COL4A2: variants seen among roughly 807,000 people sequenced by gnomAD.
COL4A2 encodes the protein collagen type IV alpha 2 chain, also known as collagen alpha-2(IV) chain.
In COL4A2, 99 loss-of-function variants were observed where a neutral mutation model predicts 200.2. That is an observed-to-expected ratio of 0.49 (90% CI 0.42 to 0.58). The LOEUF is 0.58. COL4A2 is among the 20% of genes least tolerant of loss of function. The probability of loss-of-function intolerance (pLI) is 0.00; values close to 1 mark genes in which losing one functional copy is unlikely to be tolerated. For synonymous variants in COL4A2, 897 were observed against 900.6 expected, an observed-to-expected ratio of 1.00 and a Z score of 0.07; for missense variants, 1,950 against 2,314.1, an observed-to-expected ratio of 0.84 and a Z score of 3.23.
intron 4 of COL4A2, among the ~76,000 whole-genome samples, chr13:110,421,493 TG>T (rs1880249806): frequency 1.3e-5 from 2 of 152,206 alleles, no homozygotes; most frequent in African/African-American, 4.8e-5. Flanking sequence ...ACACATCGTA[TG>T]ACTGATTCTA....
chr13:110,417,082 G>A (rs960155215), intron 4 of COL4A2, among the ~76,000 whole-genome samples: 9 of 151,692 alleles, frequency 5.9e-5, no homozygotes, highest in South Asian at 4.2e-4. Context: ...CTGGGTTCAC[G>A]CCATTCTTCT....
intron 4 of COL4A2, 124 bp from the exon 5 acceptor site, chr13:110,424,610 T>C (rs1234001012): frequency 3.5e-6 from 2 of 575,796 alleles, no homozygotes; most frequent in Non-Finnish European, 6.1e-6. Context: ...TTACATATAA[T>C]GTTCCCTGTA....
rs115742179 is a variant in COL4A2 at position 110,343,770 on chromosome 13, A to G, written c.100-13702A>G. ...ACAGAAATCTTATTGTATTCTGAAAAAGGATTCCTGGATCTCTTTCATTCC... is the reference window on the plus strand; with the variant it reads ...ACAGAAATCTTATTGTATTCTGAAAGAGGATTCCTGGATCTCTTTCATTCC... On this transcript the variant is annotated intron_variant, in intron 3 of 47. Coordinates refer to ENST00000360467, the MANE Select transcript of COL4A2 (RefSeq NM_001846.4). 4.4e-3 allele frequency among the ~76,000 whole-genome samples: 676 copies of G among 152,312 alleles called. 4 individuals carry two copies. The highest frequency in any genetic ancestry group is 0.015 in the African/African-American group (624 of 41,572).
chr13:110,467,870 C>G (rs993993992), intron 27 of COL4A2, among the ~76,000 whole-genome samples: 6 of 152,232 alleles, frequency 3.9e-5, no homozygotes, highest in Admixed American at 6.5e-5. Context: ...AGGAATTCCC[C>G]TTTGGATGTC....
intron 3 of COL4A2, chr13:110,328,438 G>A (rs2139358865): frequency 6.6e-6 from 1 of 152,330 alleles, no homozygotes; most frequent in East Asian, 1.9e-4. Context: ...ACTGCTATCT[G>A]AAGCAAATGC....
Position 110,503,275 on chromosome 13 carries a change from A to G in COL4A2, c.4032A>G (p.Gly1344=). ...QGRPGVFGLP[G]EKGPRGEQGF... is the part of the protein sequence containing the mutation. ...GGCCTGGTGTGTTTGGTCTCCCAGG[A>G]GAAAAAGGTAACAGTGCCCATGGCC... The change falls in exon 42 of 48, where the codon GGA becomes GGG. Residue 1344 remains glycine (G), a synonymous_variant. Coordinates refer to ENST00000360467, the MANE Select transcript of COL4A2 (RefSeq NM_001846.4). 6.2e-7 allele frequency: 1 copy of G among 1,602,582 alleles called. No individual in the cohort carries two copies. The highest frequency in any genetic ancestry group is 1.8e-5 in the Admixed American group (1 of 56,440).
chr13:110,413,356 C>T (rs945395636), intron 4 of COL4A2, among the ~76,000 whole-genome samples: 2 of 152,154 alleles, frequency 1.3e-5, no homozygotes, highest in Admixed American at 6.5e-5. Context: ...CCTCCAAGGG[C>T]CTCGCGGTCT....
chr13:110,458,192 G>A lies in COL4A2; in HGVS notation c.1433-579G>A, dbSNP rs530715988. The A allele has an allele frequency of 1.4e-3, 627 of 459,504 alleles. 10 individuals are homozygous for A. Among genetic ancestry groups the A allele is most frequent in the South Asian group, 8.8e-3 (551 of 62,356 alleles). The allele number at this position is 459,504 out of a possible 1,614,324, so 28.5% of individuals were successfully genotyped here. A position where few individuals can be genotyped will look rare whatever the true frequency, so the allele number is the denominator to read the frequency against. ...GCAGGCACCGCAGGACCTGGAGGAA[G>A]TGGGGCCTCCCCACTGGGCATCCTC... On this transcript the variant is annotated intron_variant, in intron 21 of 47. Coordinates refer to ENST00000360467, the MANE Select transcript of COL4A2 (RefSeq NM_001846.4).
At chr13:110,476,357 A>G (rs1279610406) in intron 29 of COL4A2, among the ~76,000 whole-genome samples, 1 of 152,204 alleles carries the variant, frequency 6.6e-6, no homozygotes, top group Non-Finnish European at 1.5e-5. Context: ...CTCATTTCTC[A>G]CAGTACTACA....
chr13:110,352,366 C>T (rs74441700), intron 3 of COL4A2, among the ~76,000 whole-genome samples: 12,011 of 152,310 alleles, frequency 0.079, 1,308 homozygotes, highest in African/African-American at 0.25. Flanking sequence ...TCTAACCATC[C>T]TCTTCTTCGC....
At position 110,444,227 on chromosome 13, in the gene COL4A2, C is replaced by T. The variant is rs186583917; in HGVS notation, c.958-1602C>T. Among the ~76,000 whole-genome samples, 12 of 152,286 alleles carry T rather than the reference C, an allele frequency of 7.9e-5. No homozygotes were observed. The East Asian group carries it at 1.3e-3, about 17-fold the overall frequency. ...GGACCCTTCAGCAGAGATGGCAACA[C>T]GTGGTGTCTGGGGTGCTTGTTTTGT... On this transcript the variant is annotated intron_variant, in intron 16 of 47. Coordinates refer to ENST00000360467, the MANE Select transcript of COL4A2 (RefSeq NM_001846.4).
At chr13:110,463,078 C>T (rs1363741118) in intron 24 of COL4A2, 2 of 154,568 alleles carry the variant, frequency 1.3e-5, no homozygotes, top group Non-Finnish European at 2.9e-5. Flanking sequence ...CTGCCACAGA[C>T]TGGGCAGCTT....
intron 4 of COL4A2, among the ~76,000 whole-genome samples, chr13:110,409,668 T>G (rs4773180): frequency 0.87 from 132,037 of 152,272 alleles, 57,550 homozygotes; most frequent in Non-Finnish European, 0.9. Context: ...TGGAATGGAC[T>G]TTAATGTCAC....
intron 28 of COL4A2, among the ~76,000 whole-genome samples, chr13:110,470,040 G>A (rs1440910451): frequency 6.7e-6 from 1 of 150,188 alleles, no homozygotes; most frequent in African/African-American, 2.5e-5. Context: ...TCAGCCTCCT[G>A]AGTAGCTGGG....
chr13:110,473,208 G>T, intron 29 of COL4A2, 58 bp downstream of exon 29: 1 of 1,497,684 alleles, frequency 6.7e-7, no homozygotes. Context: ...GGCCTCCAAG[G>T]GCGACCCCAA....
chr13:110,448,434 G>A (rs1045281225), intron 18 of COL4A2, among the ~76,000 whole-genome samples: 7 of 152,132 alleles, frequency 4.6e-5, no homozygotes, highest in African/African-American at 9.7e-5. Flanking sequence ...CTTTTCTACC[G>A]GACAACATTC....
chr13:110,439,935 A>C (rs1881058419), intron 16 of COL4A2, 102 bp downstream of exon 16: 1 of 1,498,006 alleles, frequency 6.7e-7, no homozygotes, highest in Non-Finnish European at 9.0e-7. Flanking sequence ...TTGTCTCCAG[A>C]AAAAAACATT....
chr13:110,505,385 A>G (rs1883825628), intron 45 of COL4A2, among the ~76,000 whole-genome samples: 1 of 152,066 alleles, frequency 6.6e-6, no homozygotes, highest in Non-Finnish European at 1.5e-5. Flanking sequence ...GGGTAGTACT[A>G]TTGGTGTCCA....
intron 30 of COL4A2, 143 bp from the exon 31 acceptor site, chr13:110,480,077 T>G (rs1882845468): frequency 1.1e-5 from 10 of 930,284 alleles, no homozygotes; most frequent in South Asian, 3.8e-5. Flanking sequence ...GGCCACACTT[T>G]GGAAACTCAC....
Sources: allele counts gnomAD v4.1 joint callset (sites outside exome capture counted in the v4.1 genomes callset), GRCh38; gene constraint gnomAD v4.1.1; transcripts MANE v1.5; gene names NCBI Gene and HGNC (gene_info 2026-07-23, HGNC 2026-07-21).